The following COMMD6 variants were observed in gnomAD, a reference collection of about 807,000 sequenced individuals.
COMMD6 encodes COMM domain containing 6.
COMMD6 carries 11 observed loss-of-function variants against 13.4 expected under a neutral mutation model. The observed-to-expected ratio is 0.82, with a 90% CI of 0.52 to 1.36. COMMD6 has a LOEUF of 1.36. COMMD6 is among the 40% of genes most tolerant of loss of function. The pLI, the probability that COMMD6 is intolerant of heterozygous loss-of-function variation, is 0.00. For missense variants in COMMD6, 124 were observed against 102.4 expected (o/e 1.21, Z -0.91); for synonymous variants, 43 against 36.5 (o/e 1.18, Z -0.64).
intron 1 of COMMD6, among the ~76,000 whole-genome samples, chr13:75,547,005 T>C (rs992559972): frequency 1.3e-5 from 2 of 151,680 alleles, no homozygotes; most frequent in South Asian, 4.1e-4. Flanking sequence ...AAACACCTTA[T>C]GTAATATATA....
chr13:75,546,447 T>C (rs959872302), intron 1 of COMMD6, among the ~76,000 whole-genome samples: 2 of 152,102 alleles, frequency 1.3e-5, no homozygotes, highest in African/African-American at 4.8e-5. Flanking sequence ...AAGAAAAAAA[T>C]GTATTAGGAT....
chr13:75,530,282 A>G lies in COMMD6; in HGVS notation c.55-16T>C. ...AATCTACAAGCTTTAATAAGACAGG[A>G]CAAAATAATACATTAGTAGTAACAT... On this transcript the variant is annotated splice_polypyrimidine_tract_variant and intron_variant, in intron 2 of 3. Coordinates refer to ENST00000682242, the MANE Select transcript of COMMD6 (RefSeq NM_203495.4). 6.3e-7 allele frequency: 1 copy of G among 1,586,394 alleles called. No individual in the cohort carries two copies. The highest frequency in any genetic ancestry group is 8.6e-7 in the Non-Finnish European group (1 of 1,162,900).
At chr13:75,544,789 T>C (rs971026686) in intron 1 of COMMD6, among the ~76,000 whole-genome samples, 1 of 151,280 alleles carries the variant, frequency 6.6e-6, no homozygotes, top group African/African-American at 2.4e-5. Flanking sequence ...TAAAATAAAA[T>C]ACAAAAAATT....
In COMMD6 at chr13:75,526,622, GAACT is replaced by G. The variant is rs769462654; in HGVS notation, c.221_224del (p.Gln74ProfsTer18). 6 of 1,604,470 alleles carry G rather than the reference GAACT, an allele frequency of 3.7e-6. No homozygotes were observed. In the South Asian group the frequency reaches 6.7e-5, roughly 18 times the overall value. On this transcript the variant is annotated frameshift_variant, in exon 4 of 4. Transcript: ENST00000682242. LOFTEE classifies it high-confidence loss of function. ...TTTCAATAACTGCAGCAATTTCCTTGAACTGTCTGTAGAAATTCTGGAGAGAAAG... is the reference window on the plus strand; with the variant it reads ...TTTCAATAACTGCAGCAATTTCCTTGGTCTGTAGAAATTCTGGAGAGAAAG...
rs1359483884 is a variant in COMMD6, at chr13:75,525,335, G to C, written c.*1254C>G. The C allele has an allele frequency of 6.6e-6, 1 of 152,248 alleles. No homozygotes were observed. Among genetic ancestry groups the C allele is most frequent in the Admixed American group, 6.5e-5 (1 of 15,284 alleles). 9.4% of individuals were successfully genotyped at this position (152,248 alleles called of 1,614,324 possible). A position where few individuals can be genotyped will look rare whatever the true frequency, so the allele number is the denominator to read the frequency against. On this transcript the variant is annotated 3_prime_UTR_variant, in exon 4 of 4. Coordinates refer to ENST00000682242, the MANE Select transcript of COMMD6 (RefSeq NM_203495.4). ...ATGCTACCCTGCAAACAGGGAAGGG[G>C]AAAGAGGAAGGTGTTAATCCGAAGT...
At chr13:75,537,697 A>T (rs1005493980) in intron 1 of COMMD6, 22 bp from the exon 2 acceptor site, 8 of 1,613,902 alleles carry the variant, frequency 5.0e-6, no homozygotes, top group African/African-American at 1.3e-5. Flanking sequence ...GCAGAAACAC[A>T]ATTTAGAGAA....
In COMMD6 at chr13:75,533,982, T is replaced by C. The variant is rs576059920; in HGVS notation, c.54+3682A>G. On this transcript the variant is annotated intron_variant, in intron 2 of 3. Coordinates refer to ENST00000682242, the MANE Select transcript of COMMD6 (RefSeq NM_203495.4). The stretch of plus-strand genomic sequence containing the variant: ...CCAAGAATTCATTTTCCTTCTTTTT[T>C]TTTTCCAGACAGGATCTCAGTCTGT... 6.6e-5 allele frequency among the ~76,000 whole-genome samples: 10 copies of C among 152,108 alleles called. No homozygotes were observed. In the East Asian group the frequency reaches 1.9e-3, roughly 29 times the overall value.
chr13:75,530,807 G>A (rs1159881419), intron 2 of COMMD6, among the ~76,000 whole-genome samples: 1 of 152,174 alleles, frequency 6.6e-6, no homozygotes, highest in African/African-American at 2.4e-5. Context: ...GAGAGCTTAG[G>A]TAATGTGCAT....
intron 2 of COMMD6, among the ~76,000 whole-genome samples, chr13:75,536,090 T>C (rs1489964278): frequency 5.3e-5 from 8 of 152,186 alleles, no homozygotes. Flanking sequence ...TCTTGCTATG[T>C]TGCCCATGCT....
At chr13:75,545,527 C>T (rs561209756) in intron 1 of COMMD6, among the ~76,000 whole-genome samples, 89 of 151,568 alleles carry the variant, frequency 5.9e-4, no homozygotes, top group African/African-American at 2.0e-3. Context: ...AGTGCCGTGG[C>T]GGTGGCGCTA....
intron 2 of COMMD6, among the ~76,000 whole-genome samples, chr13:75,534,685 T>C (rs1343995258): frequency 6.6e-6 from 1 of 151,872 alleles, no homozygotes; most frequent in African/African-American, 2.4e-5. Context: ...AAAAAGGAAA[T>C]ATAAAAACAT....
At chr13:75,527,479 C>T (rs755935966) in intron 3 of COMMD6, among the ~76,000 whole-genome samples, 6 of 152,064 alleles carry the variant, frequency 3.9e-5, no homozygotes, top group Non-Finnish European at 8.8e-5. Context: ...TGTTCCTTAG[C>T]TCTCAGTCAT....
intron 1 of COMMD6, among the ~76,000 whole-genome samples, chr13:75,548,007 G>A (rs116225180): frequency 1.6e-3 from 241 of 152,302 alleles, no homozygotes; most frequent in African/African-American, 5.6e-3. Context: ...CTTGCTGTCC[G>A]GCCTTGTGTC....
intron 2 of COMMD6, among the ~76,000 whole-genome samples, chr13:75,532,071 A>G (rs1283393773): frequency 6.6e-6 from 1 of 152,252 alleles, no homozygotes; most frequent in Non-Finnish European, 1.5e-5. Context: ...GTTCACTTAA[A>G]CTTGAGAAAC....
intron 1 of COMMD6, among the ~76,000 whole-genome samples, chr13:75,545,991 T>C (rs1330368342): frequency 6.6e-6 from 1 of 152,218 alleles, no homozygotes; most frequent in African/African-American, 2.4e-5. Context: ...AGGAGTATAA[T>C]TGGAGTGTTT....
At chr13:75,534,736 T>C (rs1029580593) in intron 2 of COMMD6, among the ~76,000 whole-genome samples, 1 of 151,948 alleles carries the variant, frequency 6.6e-6, no homozygotes, top group African/African-American at 2.4e-5. Context: ...AGAAAGTAAA[T>C]ATATAAAAAG....
chr13:75,541,900 A>G (rs1346716424), upstream of COMMD6, among the ~76,000 whole-genome samples: 1 of 152,210 alleles, frequency 6.6e-6, no homozygotes, highest in Admixed American at 6.5e-5. Flanking sequence ...TAACAGACAG[A>G]GGCTCTCTAA....
chr13:75,530,517 A>C, intron 2 of COMMD6: 1 of 277,922 alleles, frequency 3.6e-6, no homozygotes, highest in Non-Finnish European at 6.7e-6. Flanking sequence ...GAAAAAAAAA[A>C]ATCTCCCCTC....
Position 75,526,538 on chromosome 13 carries a change from G to A in COMMD6, c.*51C>T, listed in dbSNP as rs1268825080. On this transcript the variant is annotated 3_prime_UTR_variant, in exon 4 of 4. Coordinates refer to ENST00000682242, the MANE Select transcript of COMMD6 (RefSeq NM_203495.4). Reference sequence around the variant, plus strand: ...CTTATTTAGTTTTGTTGCCGAAAGTGAAGTCCATGACTTTAGAATGATAGC... The same window carrying A: ...CTTATTTAGTTTTGTTGCCGAAAGTAAAGTCCATGACTTTAGAATGATAGC... 3.2e-6 allele frequency: 4 copies of A among 1,241,170 alleles called. No individual in the cohort carries two copies. In the African/African-American group the frequency reaches 4.6e-5, roughly 14 times the overall value. 76.9% of individuals were successfully genotyped at this position (1,241,170 alleles called of 1,614,324 possible).
Sources: allele counts gnomAD v4.1 joint callset (sites outside exome capture counted in the v4.1 genomes callset), GRCh38; gene constraint gnomAD v4.1.1; transcripts MANE v1.5; gene names NCBI Gene and HGNC (gene_info 2026-07-23, HGNC 2026-07-21).